ARVCF: variants seen among roughly 807,000 people sequenced by gnomAD.
The protein encoded by ARVCF is splicing regulator ARVCF.
ARVCF carries 66 observed loss-of-function variants against 90.9 expected under a neutral mutation model. That is an observed-to-expected ratio of 0.73 (90% CI 0.60 to 0.89). The LOEUF (loss-of-function observed/expected upper bound fraction) is 0.89. Ranked by LOEUF, ARVCF falls within the 40% of genes least tolerant of loss-of-function variation. The probability of loss-of-function intolerance (pLI) is 0.00; values close to 1 mark genes in which losing one functional copy is unlikely to be tolerated. For synonymous variants in ARVCF, 653 were observed against 603.4 expected (o/e 1.08, Z -1.21); for missense variants, 1,469 against 1,382.3 (o/e 1.06, Z -1.00).
intron 1 of ARVCF, among the ~76,000 whole-genome samples, chr22:20,013,611 C>T (rs868206619): frequency 2.0e-5 from 3 of 152,352 alleles, no homozygotes; most frequent in Middle Eastern, 3.4e-3. Context: ...TGGCCATGCT[C>T]AGCTCCCCGT....
At chr22:20,004,344 C>G (rs558750283) in intron 2 of ARVCF, among the ~76,000 whole-genome samples, 1 of 152,152 alleles carries the variant, frequency 6.6e-6, no homozygotes, top group African/African-American at 2.4e-5. Flanking sequence ...CCAATGACAG[C>G]CAGGCATAGT....
At chr22:20,003,400 C>T (rs192066644) in intron 2 of ARVCF, among the ~76,000 whole-genome samples, 272 of 152,258 alleles carry the variant, frequency 1.8e-3, no homozygotes, top group Middle Eastern at 3.4e-3. Flanking sequence ...GGAAAAGACA[C>T]TACAAGAAAA....
chr22:20,016,049 C>CG (rs1346488266), intron 1 of ARVCF, among the ~76,000 whole-genome samples: 1 of 152,168 alleles, frequency 6.6e-6, no homozygotes, highest in Non-Finnish European at 1.5e-5. Flanking sequence ...GGACCCAGGC[C>CG]GGGGGTCCGG....
chr22:19,971,469 G>A, intron 18 of ARVCF, 134 bp from the exon 19 acceptor site: 3 of 1,135,424 alleles, frequency 2.6e-6, no homozygotes, highest in African/African-American at 1.6e-5. Context: ...TAGCACCAAG[G>A]GCGCAGGGAG....
At chr22:19,976,841 G>A (rs2146275762) in intron 9 of ARVCF, 118 bp from the exon 10 acceptor site, 1 of 1,203,294 alleles carries the variant, frequency 8.3e-7, no homozygotes, top group Non-Finnish European at 1.2e-6. Context: ...GATCAAGCAG[G>A]CAGCATGTGG....
rs1031993310 is a variant in ARVCF, at chr22:19,980,089, G to A, written c.1050C>T (p.Arg350=). ...VRRSPSVDSA[R]KEPRWRDPEL... ...CAGGGTCCCGCCAGCGCGGCTCCTT[G>A]CGGGCGCTATCCACTGAGGGCGAGC... The change falls in exon 6 of 20, where the codon CGC becomes CGT. Residue 350 remains arginine (R), a synonymous_variant. Transcript: ENST00000263207. The A allele has an allele frequency of 2.5e-6, 4 of 1,583,824 alleles. No homozygotes were observed. The highest frequency in any genetic ancestry group is 1.7e-5 in the Admixed American group (1 of 57,760).
At chr22:19,969,185 C>T, downstream of ARVCF, 1 of 182,874 alleles carries the variant, frequency 5.5e-6, no homozygotes, top group Non-Finnish European at 1.2e-5. Flanking sequence ...GGCCTCCCAG[C>T]CACAGTGGTG....
chr22:19,967,290 C>T (rs774300569), downstream of ARVCF: 2 of 1,107,950 alleles, frequency 1.8e-6, no homozygotes, highest in African/African-American at 1.6e-5. Context: ...CATGCATTCC[C>T]TGGCCCAGAC....
chr22:19,979,112 C>G (rs1189987155), intron 6 of ARVCF, 32 bp from the exon 7 acceptor site: 5 of 1,590,668 alleles, frequency 3.1e-6, no homozygotes, highest in South Asian at 1.1e-5. Flanking sequence ...TCTGTGCTGA[C>G]CATATGCACC....
intron 2 of ARVCF, among the ~76,000 whole-genome samples, chr22:19,997,835 T>G (rs1009909902): frequency 6.6e-6 from 1 of 152,140 alleles, no homozygotes; most frequent in African/African-American, 2.4e-5. Context: ...CGGACATTGG[T>G]GGCGGTGGCT....
chr22:19,968,602 G>A (rs773064787), downstream of ARVCF: 5 of 1,614,080 alleles, frequency 3.1e-6, no homozygotes, highest in East Asian at 8.9e-5. Flanking sequence ...AGGTGCGCCA[G>A]ACTTCCTAGC....
intron 17 of ARVCF, 26 bp from the exon 18 acceptor site, chr22:19,971,997 G>A (rs370567245): frequency 1.3e-6 from 2 of 1,584,658 alleles, no homozygotes; most frequent in Non-Finnish European, 1.7e-6. Context: ...GGTGGGGCAT[G>A]AGGGGCGCTC....
chr22:19,973,966 T>C (rs1466913702), intron 12 of ARVCF, 146 bp downstream of exon 12: 12 of 1,477,754 alleles, frequency 8.1e-6, no homozygotes, highest in South Asian at 3.9e-5. Flanking sequence ...GGTGCACGCA[T>C]TGCCCGCAGC....
chr22:20,007,180 C>A (rs1569195281), intron 2 of ARVCF, among the ~76,000 whole-genome samples: 1 of 152,074 alleles, frequency 6.6e-6, no homozygotes, highest in Non-Finnish European at 1.5e-5. Context: ...GGGAGGATCA[C>A]CTGAGGTCAG....
At position 19,975,676 on chromosome 22, in the gene ARVCF, G is replaced by C. The variant is rs771290003; in HGVS notation, c.1960+10C>G. 6.2e-7 allele frequency: 1 copy of C among 1,613,340 alleles called. No individual in the cohort carries two copies. The highest frequency in any genetic ancestry group is 1.3e-5 in the African/African-American group (1 of 74,916). On this transcript the variant is annotated intron_variant, in intron 11 of 19. Coordinates refer to ENST00000263207, the MANE Select transcript of ARVCF (RefSeq NM_001670.3). ...CCCCAGTGGAGCTGGCTTCATCTCAGCCCACTCACCTTTGGCGGCCTCAGT... is the reference window on the plus strand; with the variant it reads ...CCCCAGTGGAGCTGGCTTCATCTCACCCCACTCACCTTTGGCGGCCTCAGT...
At chr22:19,970,998 A>C (rs535764016) in intron 19 of ARVCF, among the ~76,000 whole-genome samples, 4 of 152,080 alleles carry the variant, frequency 2.6e-5, no homozygotes, top group African/African-American at 9.6e-5. Flanking sequence ...CCCTGATCCC[A>C]CAGTGCCTGG....
Position 19,973,309 on chromosome 22 carries a change from C to G in ARVCF, c.2248G>C (p.Ala750Pro). The change falls in exon 14 of 20, where the codon GCC becomes CCC. Residue 750 changes from alanine (A) to proline (P), a missense_variant. Ala to Pro is a conservative substitution (Grantham distance 27). Transcript: ENST00000263207. ...RRNKDLIGSY[A>P]MAELVRNVRN... ...ACATTCCGCACAAGCTCAGCCATGG[C>G]GTAGCTCCCTGAGGGGCAGGACTAG... 1.3e-6 allele frequency: 2 copies of G among 1,597,832 alleles called. No homozygotes were observed. The highest frequency in any genetic ancestry group is 2.2e-5 in the South Asian group (2 of 89,718).
chr22:19,978,948 G>A lies in ARVCF; in HGVS notation c.1529C>T (p.Pro510Leu), dbSNP rs771417479. Residue 510 changes from proline to leucine, a missense_variant, in exon 7 of 20, where the codon CCA becomes CTA. Pro to Leu is a moderately conservative substitution (Grantham distance 98). Coordinates refer to ENST00000263207, the MANE Select transcript of ARVCF (RefSeq NM_001670.3). Reference sequence around the variant, plus strand: ...GACAGTTGTCCACTCGGCGTCCCGTGGCTTGGAGTCCTCGTTGGGCTCACG... The same window carrying A: ...GACAGTTGTCCACTCGGCGTCCCGTAGCTTGGAGTCCTCGTTGGGCTCACG... ...WEREPNEDSK[P>L]RDAEWTTVFK... 2 of 1,613,286 alleles carry A rather than the reference G, an allele frequency of 1.2e-6. No homozygotes were observed. The highest frequency in any genetic ancestry group is 8.5e-7 in the Non-Finnish European group (1 of 1,179,892).
At chr22:19,971,780 G>A (rs941250313) in intron 18 of ARVCF, 106 bp downstream of exon 18, 11 of 1,248,652 alleles carry the variant, frequency 8.8e-6, no homozygotes, top group South Asian at 1.2e-5. Context: ...CAACCCAGCT[G>A]TACCCCAGGG....
Sources: gnomAD v4.1 joint callset for allele counts (sites outside exome capture counted in the v4.1 genomes callset) on GRCh38, gnomAD v4.1.1 for gene constraint, MANE v1.5 for transcripts, NCBI Gene and HGNC (gene_info 2026-07-23, HGNC 2026-07-21) for gene names.